The following CNTN6 variants were observed in gnomAD, a reference collection of about 807,000 sequenced individuals.
CNTN6 encodes the protein contactin-6.
Under a neutral mutation model 122.8 loss-of-function variants are expected in CNTN6, and 137 were observed. The observed-to-expected ratio is 1.12, with a 90% confidence interval of 0.97 to 1.29. The LOEUF is 1.29. Ranked by LOEUF, CNTN6 falls within the 50% of genes most tolerant of loss-of-function variation. CNTN6 has a pLI of 0.00. For missense variants in CNTN6, 1,634 were observed against 1,223.4 expected, an observed-to-expected ratio of 1.34 and a Z score of -5.01; for synonymous variants, 570 against 426.0, an observed-to-expected ratio of 1.34 and a Z score of -4.16.
At position 1,259,866 on chromosome 3, in the gene CNTN6, CACAT is replaced by C. The variant is rs538279695; in HGVS notation, c.359-18539_359-18536del. 8.8e-4 allele frequency among the ~76,000 whole-genome samples: 131 copies of C among 149,124 alleles called. 1 individual carries two copies. Among genetic ancestry groups the C allele is most frequent in the Middle Eastern group, 3.5e-3 (1 of 288 alleles). On this transcript the variant is annotated intron_variant, in intron 4 of 22. Coordinates refer to ENST00000446702, the MANE Select transcript of CNTN6 (RefSeq NM_001289080.2). ...CTATATGTAATTATATACATACACACACATACATACAAACACACAATAGTATATA... is the reference window on the plus strand; with the variant it reads ...CTATATGTAATTATATACATACACACACATACAAACACACAATAGTATATA...
intron 2 of CNTN6, among the ~76,000 whole-genome samples, chr3:1,194,706 T>C (rs1271097078): frequency 6.6e-6 from 1 of 152,140 alleles, no homozygotes; most frequent in Non-Finnish European, 1.5e-5. Flanking sequence ...TGTATTTCTG[T>C]GCCTTATACA....
chr3:1,166,689 A>G (rs2093257382), intron 2 of CNTN6, among the ~76,000 whole-genome samples: 1 of 152,144 alleles, frequency 6.6e-6, no homozygotes, highest in Admixed American at 6.5e-5. Flanking sequence ...TACACCACAG[A>G]ATACTATGCA....
intron 4 of CNTN6, among the ~76,000 whole-genome samples, chr3:1,262,239 T>C (rs2125710866): frequency 6.6e-6 from 1 of 152,260 alleles, no homozygotes. Flanking sequence ...GAGAAGCTTA[T>C]GCAGTGTTGT....
intron 2 of CNTN6, among the ~76,000 whole-genome samples, chr3:1,220,010 A>AAAAAAAGAAAAAAGAAAG (rs1553630234): frequency 1.1e-4 from 16 of 151,508 alleles, no homozygotes; most frequent in African/African-American, 3.9e-4. Context: ...TCAAAAAATA[A>AAAAAAAGAAAAAAGAAAG]AAAGAAAATA....
At chr3:1,380,103 A>C (rs189058487) in intron 17 of CNTN6, among the ~76,000 whole-genome samples, 179 of 152,306 alleles carry the variant, frequency 1.2e-3, no homozygotes, top group Non-Finnish European at 7.6e-4. Flanking sequence ...AGTGACTTGG[A>C]AGTAGAGAGG....
intron 2 of CNTN6, among the ~76,000 whole-genome samples, chr3:1,149,263 T>C (rs947129964): frequency 2.0e-5 from 3 of 152,192 alleles, no homozygotes; most frequent in African/African-American, 7.2e-5. Flanking sequence ...AGCATGGACA[T>C]TGATTAGATC....
chr3:1,129,923 A>G (rs1482178948), intron 1 of CNTN6, among the ~76,000 whole-genome samples: 2 of 152,092 alleles, frequency 1.3e-5, no homozygotes, highest in African/African-American at 2.4e-5. Context: ...CAAGACTTTT[A>G]TAAAATAATA....
intron 1 of CNTN6, among the ~76,000 whole-genome samples, chr3:1,130,494 T>A (rs996442758): frequency 1.3e-5 from 2 of 152,146 alleles, no homozygotes; most frequent in Admixed American, 1.3e-4. Flanking sequence ...AATACCCATC[T>A]TTCTAGCCCC....
At chr3:1,176,165 G>A (rs1164579440) in intron 2 of CNTN6, among the ~76,000 whole-genome samples, 3 of 152,128 alleles carry the variant, frequency 2.0e-5, no homozygotes, top group African/African-American at 7.2e-5. Flanking sequence ...ACAAAATATA[G>A]TAGAAATATT....
At chr3:1,157,418 C>T (rs2092999626) in intron 2 of CNTN6, among the ~76,000 whole-genome samples, 1 of 151,608 alleles carries the variant, frequency 6.6e-6, no homozygotes, top group Admixed American at 6.6e-5. Flanking sequence ...GGCTTCACCA[C>T]GTTAGCTAGC....
At chr3:1,128,930 T>A (rs887109061) in intron 1 of CNTN6, among the ~76,000 whole-genome samples, 12 of 152,040 alleles carry the variant, frequency 7.9e-5, no homozygotes, top group African/African-American at 2.9e-4. Context: ...TTTTTATTTC[T>A]TATCTTCTCT....
At chr3:1,220,029 A>AGAAAGAAAAGAAGAAAG (rs1306992407) in intron 2 of CNTN6, among the ~76,000 whole-genome samples, 2 of 150,808 alleles carry the variant, frequency 1.3e-5, no homozygotes, top group Non-Finnish European at 3.0e-5. Flanking sequence ...TAAAAAAGAA[A>AGAAAGAAAAGAAGAAAG]AAAAATATCA....
intron 14 of CNTN6, among the ~76,000 whole-genome samples, chr3:1,373,365 G>A (rs949828625): frequency 3.3e-5 from 5 of 152,016 alleles, no homozygotes; most frequent in Non-Finnish European, 5.9e-5. Context: ...TTGAGTATAG[G>A]TTGATATGCA....
chr3:1,399,992 G>A (rs1163785018), intron 20 of CNTN6, among the ~76,000 whole-genome samples: 2 of 152,064 alleles, frequency 1.3e-5, no homozygotes, highest in Non-Finnish European at 2.9e-5. Context: ...AGTGGAAGTG[G>A]GGTGGAAAGA....
chr3:1,201,683 G>C (rs746232822), intron 2 of CNTN6, among the ~76,000 whole-genome samples: 12 of 152,104 alleles, frequency 7.9e-5, no homozygotes, highest in Admixed American at 2.6e-4. Context: ...TTTTATTATT[G>C]CATTATTTAT....
At chr3:1,275,761 G>A (rs1692230385) in intron 4 of CNTN6, among the ~76,000 whole-genome samples, 1 of 151,808 alleles carries the variant, frequency 6.6e-6, no homozygotes. Flanking sequence ...TTCACAATAG[G>A]GTTTGTGTTC....
intron 22 of CNTN6, 30 bp from the exon 23 acceptor site, chr3:1,403,288 A>ATATTTTGAGATAAAG: frequency 1.4e-6 from 2 of 1,460,284 alleles, no homozygotes; most frequent in Non-Finnish European, 1.9e-6. Context: ...TTATCTCAAA[A>ATATTTTGAGATAAAG]TATTTTTGTC....
chr3:1,282,460 T>C (rs1465652174), intron 5 of CNTN6, among the ~76,000 whole-genome samples: 1 of 152,244 alleles, frequency 6.6e-6, no homozygotes, highest in African/African-American at 2.4e-5. Context: ...CACCATTCTC[T>C]GTAATCTGAG....
chr3:1,252,983 C>T (rs1353994814), intron 4 of CNTN6, among the ~76,000 whole-genome samples: 1 of 152,186 alleles, frequency 6.6e-6, no homozygotes. Flanking sequence ...AGTCAGAATG[C>T]TTAATTTCTG....
Sources: gnomAD v4.1 joint callset for allele counts (sites outside exome capture counted in the v4.1 genomes callset) on GRCh38, gnomAD v4.1.1 for gene constraint, MANE v1.5 for transcripts, NCBI Gene and HGNC (gene_info 2026-07-23, HGNC 2026-07-21) for gene names.